ASIC2: variants seen among roughly 807,000 people sequenced by gnomAD.
ASIC2 encodes the protein acid sensing ion channel subunit 2, also known as acid-sensing ion channel 2.
A neutral mutation model predicts 57.3 loss-of-function variants in ASIC2; 25 were observed. The observed-to-expected ratio is 0.44, with a 90% CI of 0.32 to 0.61. ASIC2 has a LOEUF of 0.61. Ranked by LOEUF, ASIC2 falls within the 20% of genes least tolerant of loss-of-function variation. The probability of loss-of-function intolerance (pLI) is 0.06; values close to 1 mark genes in which losing one functional copy is unlikely to be tolerated. For synonymous variants in ASIC2, 319 were observed against 307.5 expected (o/e 1.04, Z -0.39); for missense variants, 641 against 738.1 (o/e 0.87, Z 1.52).
chr17:33,313,243 C>T (rs11651260), intron 1 of ASIC2, among the ~76,000 whole-genome samples: 48,122 of 151,128 alleles, frequency 0.32, 8,071 homozygotes, highest in South Asian at 0.48. Context: ...GGCAGGGTTG[C>T]TTGAGCCCAG....
intron 1 of ASIC2, among the ~76,000 whole-genome samples, chr17:33,543,517 C>A (rs1915487856): frequency 6.6e-6 from 1 of 152,090 alleles, no homozygotes; most frequent in African/African-American, 2.4e-5. Flanking sequence ...TAGTTTTGAC[C>A]AGAATGTTGG....
chr17:34,104,557 C>T (rs564807742), intron 1 of ASIC2, among the ~76,000 whole-genome samples: 1 of 152,028 alleles, frequency 6.6e-6, no homozygotes, highest in South Asian at 2.1e-4. Flanking sequence ...GAAAAGCATT[C>T]AGGGCTTCCC....
intron 5 of ASIC2, among the ~76,000 whole-genome samples, chr17:33,024,607 C>T (rs2091851717): frequency 6.6e-6 from 1 of 152,210 alleles, no homozygotes; most frequent in South Asian, 2.1e-4. Flanking sequence ...CCTGATCAAA[C>T]TTAGCCAGGC....
chr17:33,283,210 C>T lies in ASIC2; in HGVS notation c.708+8198G>A, dbSNP rs115974789. Among the ~76,000 whole-genome samples, 124 of 152,326 alleles carry T rather than the reference C, an allele frequency of 8.1e-4. 1 individual carries two copies. Among genetic ancestry groups the T allele is most frequent in the African/African-American group, 2.8e-3 (116 of 41,582 alleles). On this transcript the variant is annotated intron_variant, in intron 1 of 9. Transcript: ENST00000225823. ...CTTATTTGCTTCACTTTAGGATGTTCATCCCACATGCACTTTTATAGATCC... is the reference window on the plus strand; with the variant it reads ...CTTATTTGCTTCACTTTAGGATGTTTATCCCACATGCACTTTTATAGATCC...
At chr17:34,092,879 GTATT>G (rs1350239957) in intron 1 of ASIC2, among the ~76,000 whole-genome samples, 1 of 151,998 alleles carries the variant, frequency 6.6e-6, no homozygotes, top group East Asian at 1.9e-4. Context: ...CTTTTATTAT[GTATT>G]TATTTATCCC....
At chr17:33,812,293 TTCAAA>T (rs1188915229) in intron 1 of ASIC2, among the ~76,000 whole-genome samples, 3 of 152,156 alleles carry the variant, frequency 2.0e-5, no homozygotes, top group African/African-American at 7.2e-5. Flanking sequence ...CATCACACTG[TTCAAA>T]TCAACAAGAC....
At chr17:33,700,351 A>G (rs987003022) in intron 1 of ASIC2, among the ~76,000 whole-genome samples, 1 of 152,160 alleles carries the variant, frequency 6.6e-6, no homozygotes, top group Non-Finnish European at 1.5e-5. Context: ...TACCTTTATT[A>G]TATCTGTTCA....
intron 3 of ASIC2, among the ~76,000 whole-genome samples, chr17:33,064,649 C>CA (rs555397105): frequency 9.7e-4 from 147 of 152,310 alleles, no homozygotes; most frequent in African/African-American, 3.4e-3. Context: ...CAGGGACCCA[C>CA]TTGAGGAGGC....
chr17:33,187,260 G>T (rs1906234300), intron 1 of ASIC2, among the ~76,000 whole-genome samples: 1 of 152,160 alleles, frequency 6.6e-6, no homozygotes, highest in Admixed American at 6.5e-5. Flanking sequence ...TTCAAAAGTT[G>T]AATGAATTGG....
chr17:33,328,344 T>C (rs1348654235), intron 1 of ASIC2, among the ~76,000 whole-genome samples: 1 of 152,076 alleles, frequency 6.6e-6, no homozygotes, highest in East Asian at 1.9e-4. Flanking sequence ...GATGGAGCCA[T>C]TGAGTTGGCA....
intron 1 of ASIC2, among the ~76,000 whole-genome samples, chr17:33,225,605 A>G (rs1425100697): frequency 6.6e-6 from 1 of 152,178 alleles, no homozygotes; most frequent in Non-Finnish European, 1.5e-5. Context: ...CGCTGACCCC[A>G]TGGAGGTTAG....
rs1909980779 is a variant in ASIC2 at position 33,393,735 on chromosome 17, A to C, written c.556-281668T>G. ...TCCTAAGATTCAGATGGAACCAGGC[A>C]CACCTGGGGGTTCATGGAGTAGACC... On this transcript the variant is annotated intron_variant, in intron 1 of 9. Transcript: ENST00000359872. 3.9e-5 allele frequency among the ~76,000 whole-genome samples: 6 copies of C among 152,304 alleles called. No individual in the cohort carries two copies. The South Asian group carries it at 1.2e-3, about 32-fold the overall frequency.
chr17:34,042,668 G>A (rs963157525), intron 1 of ASIC2, among the ~76,000 whole-genome samples: 3 of 152,114 alleles, frequency 2.0e-5, no homozygotes, highest in African/African-American at 7.2e-5. Flanking sequence ...ATATATATCC[G>A]AACTTATCAA....
At chr17:34,092,499 G>C (rs1397321023) in intron 1 of ASIC2, among the ~76,000 whole-genome samples, 1 of 152,138 alleles carries the variant, frequency 6.6e-6, no homozygotes, top group Non-Finnish European at 1.5e-5. Flanking sequence ...GAGTGGGAGG[G>C]AGAGGGAGCT....
chr17:33,103,271 C>T (rs977105714), intron 2 of ASIC2, among the ~76,000 whole-genome samples: 1 of 152,062 alleles, frequency 6.6e-6, no homozygotes, highest in African/African-American at 2.4e-5. Context: ...CTAATATTAT[C>T]CAGGCACTTT....
At chr17:33,693,808 G>GT (rs1329892902) in intron 1 of ASIC2, among the ~76,000 whole-genome samples, 1 of 152,208 alleles carries the variant, frequency 6.6e-6, no homozygotes, top group East Asian at 1.9e-4. Context: ...TGAAAGGGCT[G>GT]TGAGTACACA....
intron 1 of ASIC2, among the ~76,000 whole-genome samples, chr17:33,979,839 C>T (rs756591251): frequency 2.6e-5 from 4 of 152,176 alleles, no homozygotes; most frequent in Non-Finnish European, 5.9e-5. Flanking sequence ...TGCTTACACA[C>T]CTTCAATAAT....
chr17:33,518,576 A>C (rs1914642204), intron 1 of ASIC2, among the ~76,000 whole-genome samples: 1 of 152,220 alleles, frequency 6.6e-6, no homozygotes, highest in South Asian at 2.1e-4. Flanking sequence ...TTACCCATCC[A>C]TAAAATGAAT....
At chr17:33,915,710 T>C (rs781038259) in intron 1 of ASIC2, among the ~76,000 whole-genome samples, 66 of 152,234 alleles carry the variant, frequency 4.3e-4, no homozygotes, top group Non-Finnish European at 7.6e-4. Context: ...CCACTCCTCA[T>C]AGCATGCATT....
Sources: allele counts gnomAD v4.1 joint callset (sites outside exome capture counted in the v4.1 genomes callset), GRCh38; gene constraint gnomAD v4.1.1; transcripts MANE v1.5; gene names NCBI Gene and HGNC (gene_info 2026-07-23, HGNC 2026-07-21).